Variants in MED12L observed in about 807,000 individuals in gnomAD.
MED12L encodes mediator complex subunit 12L, also known as mediator of RNA polymerase II transcription subunit 12-like protein.
MED12L carries 60 observed loss-of-function variants against 281.3 expected under a neutral mutation model. That is an observed-to-expected ratio of 0.21 (90% CI 0.17 to 0.26). MED12L has a LOEUF of 0.26. Ranked by LOEUF, MED12L falls within the 10% of genes least tolerant of loss-of-function variation. The pLI, the probability that MED12L is intolerant of heterozygous loss-of-function variation, is 1.00. For missense variants in MED12L, 2,146 were observed against 2,680.9 expected (o/e 0.80, Z 4.41); for synonymous variants, 974 against 987.2 (o/e 0.99, Z 0.25).
intron 36 of MED12L, 91 bp downstream of exon 36, chr3:151,385,282 T>G (rs4603933): frequency 0.88 from 632,418 of 719,884 alleles, 278,324 homozygotes; most frequent in African/African-American, 0.96. Context: ...TAAAATATAT[T>G]AATTTTGCTG....
At chr3:151,246,175 C>T (rs980609290) in intron 16 of MED12L, among the ~76,000 whole-genome samples, 95 of 152,218 alleles carry the variant, frequency 6.2e-4, no homozygotes, top group African/African-American at 2.2e-3. Flanking sequence ...GAATAAATAT[C>T]GTGAAAATGG....
intron 16 of MED12L, among the ~76,000 whole-genome samples, chr3:151,203,404 A>G (rs948905773): frequency 6.2e-5 from 9 of 145,732 alleles, no homozygotes; most frequent in Non-Finnish European, 1.2e-4. Context: ...TTCATTTAGT[A>G]CCTAGCCTTT....
chr3:151,254,008 T>C (rs1166201040), intron 16 of MED12L, among the ~76,000 whole-genome samples: 1 of 151,468 alleles, frequency 6.6e-6, no homozygotes, highest in East Asian at 1.9e-4. Flanking sequence ...TGTTTTTTTT[T>C]TTTGTTAATT....
At chr3:151,403,864 A>G (rs1715988424) in intron 39 of MED12L, among the ~76,000 whole-genome samples, 1 of 152,212 alleles carries the variant, frequency 6.6e-6, no homozygotes, top group South Asian at 2.1e-4. Context: ...ATTTTCTCCA[A>G]TAGTTATTTC....
chr3:151,328,092 T>A, intron 16 of MED12L: 1 of 1,610,208 alleles, frequency 6.2e-7, no homozygotes, highest in Non-Finnish European at 8.5e-7. Flanking sequence ...GTGAATTTTT[T>A]ACATAAGAAT....
chr3:151,340,197 G>A (rs1038208559), intron 16 of MED12L, among the ~76,000 whole-genome samples: 2 of 152,094 alleles, frequency 1.3e-5, no homozygotes, highest in Non-Finnish European at 2.9e-5. Context: ...TGCTACTGCT[G>A]TGTGGTCTTA....
intron 16 of MED12L, among the ~76,000 whole-genome samples, chr3:151,280,390 G>A (rs1176476507): frequency 1.3e-5 from 2 of 152,138 alleles, no homozygotes; most frequent in Non-Finnish European, 2.9e-5. Flanking sequence ...GAGTAAAGTA[G>A]GTCTGTCTAC....
chr3:151,307,564 T>C (rs935073944), intron 16 of MED12L, among the ~76,000 whole-genome samples: 5 of 151,116 alleles, frequency 3.3e-5, no homozygotes, highest in African/African-American at 1.2e-4. Context: ...TGTGTGTGTG[T>C]GTGTGTGTGT....
chr3:151,318,098 C>T (rs1433754674), intron 16 of MED12L, among the ~76,000 whole-genome samples: 1 of 151,662 alleles, frequency 6.6e-6, no homozygotes, highest in Non-Finnish European at 1.5e-5. Flanking sequence ...TTCCTATCTG[C>T]TTCCTAACCA....
At chr3:151,285,587 C>G (rs1743384840) in intron 16 of MED12L, among the ~76,000 whole-genome samples, 1 of 151,916 alleles carries the variant, frequency 6.6e-6, no homozygotes, top group Admixed American at 6.6e-5. Flanking sequence ...ACATTGTACA[C>G]TGCTTGGGTG....
Position 151,372,576 on chromosome 3 carries a change from A to G in MED12L, c.3674A>G (p.Lys1225Arg), listed in dbSNP as rs1163795872. The G allele has an allele frequency of 3.1e-6, 5 of 1,613,710 alleles. No homozygotes were observed. The highest frequency in any genetic ancestry group is 2.2e-5 in the South Asian group (2 of 91,064). ...LKAIMMLGDAKIGNNSVSSLK... is the reference protein window; with the variant it reads ...LKAIMMLGDARIGNNSVSSLK... The stretch of plus-strand genomic sequence containing the variant: ...TGATTCTATTACTTAGGAGATGCCA[A>G]AATTGGCAATAACAGTGTCAGCTCT... The change falls in exon 27 of 45, where the codon AAA (lysine) becomes AGA (arginine). Residue 1225 changes from lysine (K) to arginine (R), a missense_variant. Transcript: ENST00000687756.
chr3:151,275,559 C>T (rs1236401922), intron 16 of MED12L, among the ~76,000 whole-genome samples: 1 of 152,064 alleles, frequency 6.6e-6, no homozygotes, highest in Non-Finnish European at 1.5e-5. Flanking sequence ...CTTTAAAGAA[C>T]AGGTGGATTG....
intron 4 of MED12L, among the ~76,000 whole-genome samples, chr3:151,125,407 C>G (rs1714360755): frequency 6.6e-6 from 1 of 152,174 alleles, no homozygotes; most frequent in Non-Finnish European, 1.5e-5. Context: ...AAGATCTGTG[C>G]TGAGTTTTGT....
At chr3:151,226,115 A>G (rs1408377766) in intron 16 of MED12L, among the ~76,000 whole-genome samples, 1 of 152,204 alleles carries the variant, frequency 6.6e-6, no homozygotes, top group East Asian at 1.9e-4. Flanking sequence ...AAGGTATGAC[A>G]TGGGGTCATC....
chr3:151,340,277 AC>A (rs1751645953), intron 16 of MED12L, among the ~76,000 whole-genome samples: 1 of 152,168 alleles, frequency 6.6e-6, no homozygotes, highest in African/African-American at 2.4e-5. Context: ...AAGATATTTA[AC>A]AAGTATTCTT....
chr3:151,294,180 T>G, intron 16 of MED12L: 1 of 1,581,378 alleles, frequency 6.3e-7, no homozygotes. Context: ...TACACATCAG[T>G]GTAATCATAA....
chr3:151,122,765 T>G lies in MED12L; in HGVS notation c.205-18T>G. 2.6e-6 allele frequency: 4 copies of G among 1,557,274 alleles called. No homozygotes were observed. On this transcript the variant is annotated intron_variant, in intron 3 of 44. Transcript: ENST00000687756. ...GCTTATTGTCTTAACTTTCCCTTTT[T>G]TTCTCTTCTTTCCACAGATTGGAGC...
chr3:151,391,138 TG>T (rs1251290367), intron 38 of MED12L, among the ~76,000 whole-genome samples: 1 of 152,242 alleles, frequency 6.6e-6, no homozygotes, highest in African/African-American at 2.4e-5. Flanking sequence ...GTGACTAAAG[TG>T]TGCAAAATAC....
chr3:151,282,356 TTG>T (rs1491297781), intron 16 of MED12L, among the ~76,000 whole-genome samples: 2 of 135,228 alleles, frequency 1.5e-5, no homozygotes, highest in African/African-American at 6.2e-5. Flanking sequence ...TAGTTTTTTT[TTG>T]TTTTTTTTTG....
Sources: gnomAD v4.1 joint callset for allele counts (sites outside exome capture counted in the v4.1 genomes callset) on GRCh38, gnomAD v4.1.1 for gene constraint, MANE v1.5 for transcripts, NCBI Gene and HGNC (gene_info 2026-07-23, HGNC 2026-07-21) for gene names.